The following SHROOM4 variants were observed in gnomAD, a reference collection of about 807,000 sequenced individuals.
SHROOM4 encodes the protein shroom family member 4.
A neutral mutation model predicts 80.3 loss-of-function variants in SHROOM4; 17 were observed. The observed-to-expected ratio is 0.21, with a 90% CI of 0.14 to 0.32. SHROOM4 has a LOEUF of 0.32. SHROOM4 is among the 10% of genes least tolerant of loss of function. The pLI is 1.00. For synonymous variants in SHROOM4, 400 were observed against 437.5 expected (o/e 0.91, Z 1.07); for missense variants, 993 against 1,140.3 (o/e 0.87, Z 1.86).
chrX:50,696,311 T>G (rs1557263059), intron 1 of SHROOM4, among the ~76,000 whole-genome samples: 4 of 111,919 alleles, frequency 3.6e-5, no homozygotes, highest in Non-Finnish European at 7.5e-5. Flanking sequence ...TCCATCAAAA[T>G]GACCTTTGGT....
intron 1 of SHROOM4, among the ~76,000 whole-genome samples, chrX:50,812,611 G>A (rs1310587441): frequency 9.0e-6 from 1 of 111,128 alleles, no homozygotes; most frequent in Non-Finnish European, 1.9e-5. Flanking sequence ...TGGGCCCCAA[G>A]GCCTGAAGGA....
intron 2 of SHROOM4, among the ~76,000 whole-genome samples, chrX:50,648,845 C>G (rs1253911037): frequency 8.9e-6 from 1 of 112,191 alleles, no homozygotes; most frequent in Admixed American, 9.4e-5. Context: ...AAGTTAAAGC[C>G]TTTACTTCAC....
At position 50,596,334 on chromosome X, in the gene SHROOM4, G is replaced by C. The variant is rs1557246594; in HGVS notation, c.*361C>G. Reference sequence around the variant, plus strand: ...GATTCCCTCTGAGCCTTTAGAGGCTGTTGATGATATGGGTGGGTGATGAGT... The same window carrying C: ...GATTCCCTCTGAGCCTTTAGAGGCTCTTGATGATATGGGTGGGTGATGAGT... On this transcript the variant is annotated 3_prime_UTR_variant, in exon 9 of 9. Coordinates refer to ENST00000376020, the MANE Select transcript of SHROOM4 (RefSeq NM_020717.5). 2.7e-6 allele frequency: 1 copy of C among 369,682 alleles called. No homozygotes were observed. Among genetic ancestry groups the C allele is most frequent in the Non-Finnish European group, 5.1e-6 (1 of 195,991 alleles). The allele number at this position is 369,682 out of a possible 1,213,427, so 30.5% of individuals were successfully genotyped here. A position where few individuals can be genotyped will look rare whatever the true frequency, so the allele number is the denominator to read the frequency against.
At chrX:50,798,848 C>T (rs1294805114) in intron 1 of SHROOM4, among the ~76,000 whole-genome samples, 4 of 111,663 alleles carry the variant, frequency 3.6e-5, no homozygotes, top group African/African-American at 1.3e-4. Context: ...TTCTACTGTG[C>T]ATTTCCATTC....
At chrX:50,609,712 T>C (rs968503787) in intron 5 of SHROOM4, among the ~76,000 whole-genome samples, 1 of 109,234 alleles carries the variant, frequency 9.2e-6, no homozygotes, top group Non-Finnish European at 1.9e-5. Flanking sequence ...ATATATTATA[T>C]ATGTTATATG....
In SHROOM4 at chrX:50,597,212, C is replaced by T. The variant is rs41300630; in HGVS notation, c.4213-248G>A. ...AAATTACCTCTTTCCATCTCTTTAA[C>T]GCTGTCTTCAATGTAGGGACCACCA... On this transcript the variant is annotated intron_variant, in intron 8 of 8. Transcript: ENST00000376020. Among the ~76,000 whole-genome samples, 626 of 112,170 alleles carry T rather than the reference C, an allele frequency of 5.6e-3. 3 individuals are homozygous for T. The highest frequency in any genetic ancestry group is 9.0e-3 in the Non-Finnish European group (479 of 53,214).
chrX:50,790,183 A>G (rs1557271405), intron 1 of SHROOM4, among the ~76,000 whole-genome samples: 1 of 111,600 alleles, frequency 9.0e-6, no homozygotes, highest in South Asian at 3.7e-4. Context: ...GTATATGCCA[A>G]CAAACTGGAA....
At chrX:50,671,603 C>G (rs1401555633) in intron 2 of SHROOM4, among the ~76,000 whole-genome samples, 3 of 112,436 alleles carry the variant, frequency 2.7e-5, no homozygotes, top group Non-Finnish European at 3.8e-5. Flanking sequence ...AACTTTTCTT[C>G]TGCAGCTTCC....
At chrX:50,667,397 T>G (rs1932723742) in intron 2 of SHROOM4, among the ~76,000 whole-genome samples, 1 of 111,632 alleles carries the variant, frequency 9.0e-6, no homozygotes, top group Admixed American at 9.6e-5. Context: ...AACTTTAAAA[T>G]TTATTAAAGA....
At chrX:50,667,810 C>T (rs1790664188) in intron 2 of SHROOM4, among the ~76,000 whole-genome samples, 1 of 111,882 alleles carries the variant, frequency 8.9e-6, no homozygotes, top group African/African-American at 3.2e-5. Flanking sequence ...TTTTTACCTT[C>T]TATAGCCCAG....
chrX:50,638,081 G>T, intron 3 of SHROOM4, 93 bp downstream of exon 3: 1 of 1,073,721 alleles, frequency 9.3e-7, no homozygotes, highest in Non-Finnish European at 1.3e-6. Context: ...AGTACTTGAG[G>T]CTCTAACATC....
At chrX:50,707,639 A>G (rs1933711128) in intron 1 of SHROOM4, among the ~76,000 whole-genome samples, 1 of 103,166 alleles carries the variant, frequency 9.7e-6, no homozygotes, top group African/African-American at 3.6e-5. Context: ...CCCCAAGACA[A>G]TTTCAGTTTC....
chrX:50,650,925 T>C (rs578209953), intron 2 of SHROOM4, among the ~76,000 whole-genome samples: 1 of 112,072 alleles, frequency 8.9e-6, no homozygotes, highest in East Asian at 2.8e-4. Flanking sequence ...AAAAATTCCA[T>C]CTGACAGTTT....
intron 2 of SHROOM4, among the ~76,000 whole-genome samples, chrX:50,663,771 A>T (rs1932596287): frequency 9.0e-6 from 1 of 110,820 alleles, no homozygotes. Flanking sequence ...TCTTCCTCTA[A>T]TCTTCAAAAT....
chrX:50,579,050 A>C, the SHROOM4 span, among the ~76,000 whole-genome samples: 4 of 112,025 alleles, frequency 3.6e-5, no homozygotes, highest in Non-Finnish European at 7.5e-5. Context: ...GTGGAACTCA[A>C]AAAACATGAG....
intron 1 of SHROOM4, among the ~76,000 whole-genome samples, chrX:50,730,153 T>A (rs1246772686): frequency 8.9e-6 from 1 of 112,010 alleles, no homozygotes; most frequent in Non-Finnish European, 1.9e-5. Flanking sequence ...GCAGGCTGGG[T>A]GCAGTGGTTC....
chrX:50,733,072 G>A, intron 1 of SHROOM4, among the ~76,000 whole-genome samples: 1 of 112,147 alleles, frequency 8.9e-6, no homozygotes, highest in Non-Finnish European at 1.9e-5. Context: ...AACATGGCAA[G>A]TGGTATTTAT....
intron 1 of SHROOM4, among the ~76,000 whole-genome samples, chrX:50,735,926 G>A (rs1450563397): frequency 9.2e-6 from 1 of 108,388 alleles, no homozygotes; most frequent in Non-Finnish European, 1.9e-5. Context: ...AGAATAGCTT[G>A]AACCCAGGAG....
At chrX:50,742,614 A>G (rs1383232424) in intron 1 of SHROOM4, among the ~76,000 whole-genome samples, 1 of 72,866 alleles carries the variant, frequency 1.4e-5, no homozygotes, top group Non-Finnish European at 2.6e-5. Context: ...TGGTTTCTTC[A>G]TAATTGGAGT....
Sources: allele counts gnomAD v4.1 joint callset (sites outside exome capture counted in the v4.1 genomes callset), GRCh38; gene constraint gnomAD v4.1.1; transcripts MANE v1.5; gene names NCBI Gene and HGNC (gene_info 2026-07-23, HGNC 2026-07-21).